Variants in CRELD1 observed in about 807,000 individuals in gnomAD.
CRELD1 encodes protein disulfide isomerase CRELD1.
In CRELD1, 42 loss-of-function variants were observed where a neutral mutation model predicts 58.2. The ratio of observed to expected loss-of-function variants is 0.72; its 90% CI spans 0.56 to 0.93. CRELD1 has a LOEUF of 0.93. Among genes scored for constraint, CRELD1 ranks in the 40% least tolerant of loss-of-function variants. CRELD1 has a pLI of 0.00. For synonymous variants in CRELD1, 222 were observed against 202.0 expected (o/e 1.10, Z -0.84); for missense variants, 500 against 540.6 (o/e 0.92, Z 0.74).
rs1408904023 is a variant in CRELD1 at position 9,940,497 on chromosome 3, C to G, written c.461-353C>G. On this transcript the variant is annotated intron_variant, in intron 5 of 10. Coordinates refer to ENST00000452070, the MANE Select transcript of CRELD1 (RefSeq NM_001077415.3). ...CCCGGCCAACACAGCGAAACCCCGT[C>G]TCCACCAAAAAAATACGAAAACCAG... Among the ~76,000 whole-genome samples, 3 of 152,120 alleles carry G rather than the reference C, an allele frequency of 2.0e-5. No homozygotes were observed. The East Asian group carries it at 5.8e-4, about 29-fold the overall frequency.
At chr3:9,942,994 C>T in intron 8 of CRELD1, 83 bp from the exon 9 acceptor site, 1 of 1,536,474 alleles carries the variant, frequency 6.5e-7, no homozygotes, top group Non-Finnish European at 9.0e-7. Context: ...GGCTTCAGAG[C>T]ACCCCCAGGC....
At chr3:9,939,400 T>C (rs1287842238) in intron 5 of CRELD1, among the ~76,000 whole-genome samples, 1 of 152,174 alleles carries the variant, frequency 6.6e-6, no homozygotes, top group Non-Finnish European at 1.5e-5. Context: ...GGCAGGGTCA[T>C]AGGACAATAG....
rs1486006585 is a variant in CRELD1, at chr3:9,940,540, C to T, written c.461-310C>T. Among the ~76,000 whole-genome samples the T allele has an allele frequency of 8.6e-5, 13 of 151,800 alleles. No individual in the cohort carries two copies. The South Asian group carries it at 1.7e-3, about 19-fold the overall frequency. On this transcript the variant is annotated intron_variant, in intron 5 of 10. Coordinates refer to ENST00000452070, the MANE Select transcript of CRELD1 (RefSeq NM_001077415.3). ...AAAACCAGTCAGGCGTGGTGGCGCG[C>T]GCCTGCAATCGCAGGCACTCGGCAG...
chr3:9,943,622 C>A (rs548334612), intron 10 of CRELD1, 107 bp downstream of exon 10: 2 of 1,591,494 alleles, frequency 1.3e-6, no homozygotes, highest in South Asian at 2.3e-5. Flanking sequence ...TCCCTACTGC[C>A]ACCCAGCCCC....
At chr3:9,940,787 AAAT>A in intron 5 of CRELD1, 60 bp from the exon 6 acceptor site, 11 of 1,229,710 alleles carry the variant, frequency 8.9e-6, no homozygotes, top group Non-Finnish European at 1.2e-5. Context: ...GAGAGGGAGA[AAAT>A]ATTATCTTGT....
chr3:9,940,072 C>A (rs1219993214), intron 5 of CRELD1, among the ~76,000 whole-genome samples: 1 of 150,720 alleles, frequency 6.6e-6, no homozygotes, highest in South Asian at 2.1e-4. Context: ...TCAGACAGGG[C>A]GGCCGGGCAG....
At chr3:9,936,706 ACACAGC>A (rs1167496786) in intron 3 of CRELD1, among the ~76,000 whole-genome samples, 1 of 152,048 alleles carries the variant, frequency 6.6e-6, no homozygotes, top group Non-Finnish European at 1.5e-5. Context: ...TATACCTATT[ACACAGC>A]CACTCCCTAT....
At chr3:9,942,223 A>T (rs948301102) in intron 7 of CRELD1, among the ~76,000 whole-genome samples, 1 of 151,820 alleles carries the variant, frequency 6.6e-6, no homozygotes. Flanking sequence ...GTGAGCCAAG[A>T]TCACACCATT....
In CRELD1 at chr3:9,934,275, C is replaced by T. The variant is rs539898205; in HGVS notation, c.-19-145C>T. ...CTTATGCGCCTTTCCCCACCCATCC[C>T]CACAGCCCCTGCAATACCCAGTTTG... is the stretch of plus-strand genomic sequence containing the variant. On this transcript the variant is annotated intron_variant, in intron 1 of 10. Coordinates refer to ENST00000452070, the MANE Select transcript of CRELD1 (RefSeq NM_001077415.3). 4 of 664,586 alleles carry T rather than the reference C, an allele frequency of 6.0e-6. No individual in the cohort carries two copies. The East Asian group carries it at 1.1e-4, about 17-fold the overall frequency. The allele number at this position is 664,586 out of a possible 1,614,324, so 41.2% of individuals were successfully genotyped here.
At chr3:9,943,299 G>A in intron 9 of CRELD1, 82 bp from the exon 10 acceptor site, 3 of 1,603,652 alleles carry the variant, frequency 1.9e-6, no homozygotes, top group Non-Finnish European at 2.6e-6. Context: ...GGGCAGAGGG[G>A]AGTGTTGAGA....
Position 9,933,931 on chromosome 3 carries a change from T to G in CRELD1, c.-20+11T>G. On this transcript the variant is annotated intron_variant, in intron 1 of 10. Coordinates refer to ENST00000452070, the MANE Select transcript of CRELD1 (RefSeq NM_001077415.3). Reference sequence around the variant, plus strand: ...CCGTGGCCTACGAGGGTCTGGATCCTTCTCTGCCGGCTCGTGGGCCGTGCC... The same window carrying G: ...CCGTGGCCTACGAGGGTCTGGATCCGTCTCTGCCGGCTCGTGGGCCGTGCC... The G allele has an allele frequency of 1.4e-5, 5 of 367,882 alleles. No individual in the cohort carries two copies. The highest frequency in any genetic ancestry group is 2.5e-5 in the Non-Finnish European group (5 of 200,354). The allele number at this position is 367,882 out of a possible 1,614,324, so 22.8% of individuals were successfully genotyped here.
chr3:9,934,972 T>C, intron 3 of CRELD1, 55 bp downstream of exon 3: 1 of 1,440,520 alleles, frequency 6.9e-7, no homozygotes, highest in Non-Finnish European at 9.6e-7. Flanking sequence ...AAATCTCTGC[T>C]CTGCTGGTGT....
chr3:9,936,577 T>C (rs1487577693), intron 3 of CRELD1, among the ~76,000 whole-genome samples: 1 of 151,846 alleles, frequency 6.6e-6, no homozygotes, highest in African/African-American at 2.4e-5. Context: ...ATGTATATAT[T>C]TGTGGTAAAA....
chr3:9,941,333 G>C, intron 7 of CRELD1, 127 bp downstream of exon 7: 1 of 792,974 alleles, frequency 1.3e-6, no homozygotes, highest in Non-Finnish European at 2.0e-6. Context: ...AACCTGGCTG[G>C]GAAGGCAGAA....
chr3:9,943,063 T>A lies in CRELD1; in HGVS notation c.818-14T>A. On this transcript the variant is annotated splice_polypyrimidine_tract_variant and intron_variant, in intron 8 of 10. Coordinates refer to ENST00000452070, the MANE Select transcript of CRELD1 (RefSeq NM_001077415.3). ...GGTGCACATCTCACCCTCATCTTTC[T>A]CTCCTCTCTCCAGACTGTGCCAAGG... The A allele has an allele frequency of 6.2e-7, 1 of 1,612,748 alleles. No individual in the cohort carries two copies. Among genetic ancestry groups the A allele is most frequent in the Non-Finnish European group, 8.5e-7 (1 of 1,179,000 alleles).
intron 1 of CRELD1, 118 bp from the exon 2 acceptor site, chr3:9,934,302 C>G: frequency 1.3e-6 from 1 of 793,932 alleles, no homozygotes; most frequent in Non-Finnish European, 2.2e-6. Flanking sequence ...CCCAGTTTGG[C>G]CTCTTTTGCT....
At chr3:9,933,952 G>T (rs1286009900) in intron 1 of CRELD1, 32 bp downstream of exon 1, 1 of 348,998 alleles carries the variant, frequency 2.9e-6, no homozygotes, top group African/African-American at 2.2e-5. Context: ...CTCGTGGGCC[G>T]TGCCTTTGCC....
At chr3:9,944,337 C>G (rs780619894) in intron 10 of CRELD1, 28 bp from the exon 11 acceptor site, 3 of 1,590,814 alleles carry the variant, frequency 1.9e-6, no homozygotes, top group Non-Finnish European at 2.6e-6. Context: ...GATACGAGTG[C>G]CAGGCTGCAT....
At chr3:9,941,547 T>C (rs546928854) in intron 7 of CRELD1, among the ~76,000 whole-genome samples, 1 of 152,124 alleles carries the variant, frequency 6.6e-6, no homozygotes, top group East Asian at 1.9e-4. Flanking sequence ...TCCCAGCACT[T>C]TGGGAGGCCA....
Sources: gnomAD v4.1 joint callset for allele counts (sites outside exome capture counted in the v4.1 genomes callset) on GRCh38, gnomAD v4.1.1 for gene constraint, MANE v1.5 for transcripts, NCBI Gene and HGNC (gene_info 2026-07-23, HGNC 2026-07-21) for gene names.